NGEF: variants seen among roughly 807,000 people sequenced by gnomAD.
NGEF encodes neuronal guanine nucleotide exchange factor.
Under a neutral mutation model 80.9 loss-of-function variants are expected in NGEF, and 31 were observed. The observed-to-expected ratio is 0.38, with a 90% CI of 0.29 to 0.52. The LOEUF (loss-of-function observed/expected upper bound fraction) is 0.52. NGEF is among the 20% of genes least tolerant of loss of function. NGEF has a pLI of 0.84. For synonymous variants in NGEF, 371 were observed against 370.2 expected (o/e 1.00, Z -0.03); for missense variants, 709 against 926.2 (o/e 0.77, Z 3.04).
chr2:232,927,284 G>C, intron 3 of NGEF, 98 bp from the exon 4 acceptor site: 1 of 1,340,506 alleles, frequency 7.5e-7, no homozygotes, highest in Non-Finnish European at 9.9e-7. Flanking sequence ...CTGCTAGCCA[G>C]CCGGACCTTA....
chr2:232,944,652 A>G (rs1436779406), intron 3 of NGEF, among the ~76,000 whole-genome samples: 1 of 151,012 alleles, frequency 6.6e-6, no homozygotes. Flanking sequence ...CCAAAAAGAA[A>G]TAAGGAAAGA....
chr2:233,003,435 G>T (rs1476928054), intron 1 of NGEF, among the ~76,000 whole-genome samples: 1 of 152,174 alleles, frequency 6.6e-6, no homozygotes, highest in East Asian at 1.9e-4. Context: ...TCTGGCAATG[G>T]TTCGCAGCTT....
chr2:232,958,160 A>C (rs1258416046), intron 3 of NGEF, among the ~76,000 whole-genome samples: 1 of 152,140 alleles, frequency 6.6e-6, no homozygotes, highest in African/African-American at 2.4e-5. Flanking sequence ...GAGGAAACTA[A>C]TTTATGATGC....
intron 5 of NGEF, chr2:232,901,491 G>A (rs776166389): frequency 9.3e-5 from 89 of 953,802 alleles, no homozygotes; most frequent in Middle Eastern, 5.3e-4. Context: ...CTGATGCTGT[G>A]ACCTTCGATG....
rs1335083815 is a variant in NGEF at position 233,001,408 on chromosome 2, G to A, written c.-75+11660C>T. Reference sequence around the variant, plus strand: ...CATGTGAGCCTGTGAGTCTCCCCACGGGCCCATAGGTAGGGGGAGGTGACT... The same window carrying A: ...CATGTGAGCCTGTGAGTCTCCCCACAGGCCCATAGGTAGGGGGAGGTGACT... On this transcript the variant is annotated intron_variant, in intron 1 of 14. Transcript: ENST00000264051. Among the ~76,000 whole-genome samples, 7 of 152,284 alleles carry A rather than the reference G, an allele frequency of 4.6e-5. No homozygotes were observed. The East Asian group carries it at 5.8e-4, about 13-fold the overall frequency.
intron 3 of NGEF, among the ~76,000 whole-genome samples, chr2:232,960,735 A>G (rs953862558): frequency 6.6e-6 from 1 of 152,198 alleles, no homozygotes; most frequent in Non-Finnish European, 1.5e-5. Flanking sequence ...AAAATTAGCC[A>G]GACGTGGTGG....
chr2:232,915,718 G>C (rs1460180531), intron 5 of NGEF, among the ~76,000 whole-genome samples: 1 of 152,046 alleles, frequency 6.6e-6, no homozygotes, highest in Admixed American at 6.6e-5. Flanking sequence ...TTCTGAGGTG[G>C]AGTCTCACTG....
At chr2:232,880,312 T>C (rs62191775) in intron 14 of NGEF, among the ~76,000 whole-genome samples, 3,624 of 152,332 alleles carry the variant, frequency 0.024, 73 homozygotes, top group Middle Eastern at 0.065. Context: ...GCTCAGAGTT[T>C]GTGGCCGATC....
intron 3 of NGEF, among the ~76,000 whole-genome samples, chr2:232,935,023 TAATAAG>T: frequency 6.6e-6 from 1 of 151,468 alleles, no homozygotes; most frequent in East Asian, 1.9e-4. Flanking sequence ...AAAAAAATAA[TAATAAG>T]AATAATTGGT....
chr2:232,974,389 G>A (rs902189375), intron 2 of NGEF, among the ~76,000 whole-genome samples: 2 of 152,176 alleles, frequency 1.3e-5, no homozygotes, highest in African/African-American at 2.4e-5. Context: ...CTTTTCAGTA[G>A]AAGCCAGTCT....
intron 3 of NGEF, among the ~76,000 whole-genome samples, chr2:232,957,324 AT>A (rs1389150387): frequency 6.6e-6 from 1 of 152,016 alleles, no homozygotes; most frequent in Non-Finnish European, 1.5e-5. Context: ...ACTACTACTA[AT>A]AATTATTATT....
chr2:232,899,765 GTCAC>G (rs1409753744), intron 5 of NGEF, among the ~76,000 whole-genome samples: 4 of 129,046 alleles, frequency 3.1e-5, no homozygotes, highest in South Asian at 5.0e-4. Flanking sequence ...TGCTCTCACA[GTCAC>G]TCATATACAC....
chr2:232,963,644 T>C (rs1693997614), intron 3 of NGEF, among the ~76,000 whole-genome samples: 1 of 152,100 alleles, frequency 6.6e-6, no homozygotes, highest in Non-Finnish European at 1.5e-5. Context: ...TGAAACCCTG[T>C]CTGTACTAAA....
chr2:232,894,208 C>T (rs572729415), intron 6 of NGEF, among the ~76,000 whole-genome samples: 6 of 152,306 alleles, frequency 3.9e-5, no homozygotes, highest in African/African-American at 9.6e-5. Flanking sequence ...ACTCTTCCTC[C>T]GCTGCAGCTC....
chr2:232,891,154 T>C (rs971004209), intron 8 of NGEF, among the ~76,000 whole-genome samples: 6 of 152,234 alleles, frequency 3.9e-5, no homozygotes, highest in Non-Finnish European at 7.3e-5. Flanking sequence ...TTCCTGGCTG[T>C]GCATGGTTCG....
intron 8 of NGEF, among the ~76,000 whole-genome samples, chr2:232,888,504 CAT>C (rs764692863): frequency 5.9e-5 from 9 of 152,176 alleles, no homozygotes; most frequent in Admixed American, 2.6e-4. Flanking sequence ...CGTGTACAAA[CAT>C]GCATACAAGC....
chr2:232,956,173 A>G (rs549593758), intron 3 of NGEF, among the ~76,000 whole-genome samples: 4 of 152,218 alleles, frequency 2.6e-5, no homozygotes, highest in Non-Finnish European at 4.4e-5. Context: ...ACATGCTGCT[A>G]TAAAGAGGAT....
At chr2:232,921,185 T>G (rs1692935301) in intron 4 of NGEF, among the ~76,000 whole-genome samples, 1 of 152,194 alleles carries the variant, frequency 6.6e-6, no homozygotes, top group Non-Finnish European at 1.5e-5. Context: ...CGCAGCTGAA[T>G]CAGCGCAAAT....
intron 5 of NGEF, among the ~76,000 whole-genome samples, chr2:232,906,702 C>T (rs565883643): frequency 2.9e-5 from 4 of 140,084 alleles, no homozygotes; most frequent in South Asian, 4.7e-4. Context: ...TCATTGAGAA[C>T]GGGCCATGAT....
Sources: gnomAD v4.1 joint callset for allele counts (sites outside exome capture counted in the v4.1 genomes callset) on GRCh38, gnomAD v4.1.1 for gene constraint, MANE v1.5 for transcripts, NCBI Gene and HGNC (gene_info 2026-07-23, HGNC 2026-07-21) for gene names.